The following GRIA4 variants were observed in gnomAD, a reference collection of about 807,000 sequenced individuals.
GRIA4 encodes glutamate receptor 4.
Under a neutral mutation model 104.0 loss-of-function variants are expected in GRIA4, and 34 were observed. The observed-to-expected ratio is 0.33, with a 90% CI of 0.25 to 0.44. The LOEUF is 0.44. GRIA4 is among the 20% of genes least tolerant of loss of function. The pLI is 1.00. For synonymous variants in GRIA4, 386 were observed against 381.9 expected (o/e 1.01, Z -0.13); for missense variants, 750 against 1,096.5 (o/e 0.68, Z 4.46).
chr11:105,921,827 A>G (rs574289595), intron 11 of GRIA4, among the ~76,000 whole-genome samples: 12 of 152,022 alleles, frequency 7.9e-5, no homozygotes, highest in African/African-American at 2.6e-4. Flanking sequence ...GACTACTTGG[A>G]GAATTAACAA....
intron 4 of GRIA4, among the ~76,000 whole-genome samples, chr11:105,794,008 G>T (rs12803424): frequency 6.6e-6 from 1 of 151,898 alleles, no homozygotes; most frequent in African/African-American, 2.4e-5. Context: ...AGGAGCAGTA[G>T]GCACTCACAG....
chr11:105,761,658 T>A (rs534526451), intron 4 of GRIA4, among the ~76,000 whole-genome samples: 111 of 152,322 alleles, frequency 7.3e-4, no homozygotes, highest in African/African-American at 2.6e-3. Context: ...AATAAAACTC[T>A]ATTTATCAAC....
intron 3 of GRIA4, among the ~76,000 whole-genome samples, chr11:105,665,843 C>T (rs945743649): frequency 6.6e-6 from 1 of 151,944 alleles, no homozygotes; most frequent in Non-Finnish European, 1.5e-5. Flanking sequence ...GCTCATAAAA[C>T]ATTTCACAGA....
intron 3 of GRIA4, among the ~76,000 whole-genome samples, chr11:105,731,939 T>C (rs1343462408): frequency 6.6e-6 from 1 of 152,090 alleles, no homozygotes; most frequent in African/African-American, 2.4e-5. Context: ...GATGGGTCGA[T>C]GGGTGCAGCA....
At chr11:105,898,991 T>G (rs1035790136) in intron 7 of GRIA4, among the ~76,000 whole-genome samples, 7 of 152,196 alleles carry the variant, frequency 4.6e-5, no homozygotes, top group African/African-American at 1.7e-4. Flanking sequence ...TTCTTAGACC[T>G]CATGTTAAAT....
intron 3 of GRIA4, among the ~76,000 whole-genome samples, chr11:105,718,255 T>G (rs1166628027): frequency 6.6e-6 from 1 of 152,214 alleles, no homozygotes; most frequent in Non-Finnish European, 1.5e-5. Flanking sequence ...TGTGTAGCAC[T>G]GACTGAGGAT....
At chr11:105,930,178 T>G (rs962605978) in intron 13 of GRIA4, among the ~76,000 whole-genome samples, 1 of 152,098 alleles carries the variant, frequency 6.6e-6, no homozygotes, top group Non-Finnish European at 1.5e-5. Context: ...AATATTTGCT[T>G]GTCCTCACTC....
chr11:105,656,156 C>T (rs1200393481), intron 3 of GRIA4, among the ~76,000 whole-genome samples: 1 of 152,114 alleles, frequency 6.6e-6, no homozygotes, highest in Non-Finnish European at 1.5e-5. Context: ...TGTTTATATC[C>T]TTTGCCTACT....
intron 14 of GRIA4, among the ~76,000 whole-genome samples, chr11:105,936,129 G>A (rs1213107175): frequency 1.3e-5 from 2 of 152,070 alleles, no homozygotes; most frequent in Non-Finnish European, 2.9e-5. Flanking sequence ...CCTCCTCTCT[G>A]TCTCATCCTC....
intron 4 of GRIA4, among the ~76,000 whole-genome samples, chr11:105,777,349 A>C (rs1941494935): frequency 1.3e-5 from 2 of 152,136 alleles, no homozygotes; most frequent in Non-Finnish European, 2.9e-5. Context: ...GTTAGCTAGA[A>C]ATTTTTATTT....
At chr11:105,866,531 GCA>G (rs1565300459) in intron 5 of GRIA4, among the ~76,000 whole-genome samples, 1 of 85,950 alleles carries the variant, frequency 1.2e-5, no homozygotes. Flanking sequence ...ACATATATAC[GCA>G]TATGTGTGTG....
intron 14 of GRIA4, among the ~76,000 whole-genome samples, chr11:105,956,728 CGTAAAAGT>C (rs1437610766): frequency 1.4e-4 from 22 of 152,206 alleles, no homozygotes; most frequent in African/African-American, 5.3e-4. Context: ...CCATCAACAG[CGTAAAAGT>C]GTTCCTATTT....
intron 3 of GRIA4, among the ~76,000 whole-genome samples, chr11:105,673,924 G>C (rs1163787565): frequency 1.3e-5 from 2 of 151,886 alleles, no homozygotes; most frequent in Non-Finnish European, 2.9e-5. Context: ...CAAAGTCAAG[G>C]AGAATCATAT....
intron 14 of GRIA4, among the ~76,000 whole-genome samples, chr11:105,934,884 T>G (rs1191966423): frequency 6.6e-6 from 1 of 152,152 alleles, no homozygotes; most frequent in Non-Finnish European, 1.5e-5. Context: ...GTCTCAGTGC[T>G]GCTTAGGAGA....
intron 16 of GRIA4, 30 bp downstream of exon 16, chr11:105,974,474 A>G: frequency 6.2e-7 from 1 of 1,613,882 alleles, no homozygotes; most frequent in Non-Finnish European, 8.5e-7. Context: ...CTTTTAACCC[A>G]ACTTCCTCGC....
intron 3 of GRIA4, among the ~76,000 whole-genome samples, chr11:105,751,867 A>T (rs548364977): frequency 6.6e-6 from 1 of 152,332 alleles, no homozygotes; most frequent in East Asian, 1.9e-4. Flanking sequence ...ATTCATAGCT[A>T]ATACAAGTAA....
chr11:105,788,423 T>C (rs1015842388), intron 4 of GRIA4, among the ~76,000 whole-genome samples: 5 of 152,106 alleles, frequency 3.3e-5, no homozygotes, highest in Non-Finnish European at 5.9e-5. Context: ...ATCTTTATAT[T>C]AATAAGACAG....
chr11:105,767,854 C>A (rs747527369), intron 4 of GRIA4, among the ~76,000 whole-genome samples: 2 of 152,036 alleles, frequency 1.3e-5, no homozygotes, highest in Non-Finnish European at 2.9e-5. Flanking sequence ...CAAGTGCAGG[C>A]AGTTTGGATT....
chr11:105,752,706 T>C lies in GRIA4; in HGVS notation c.248-275T>C, dbSNP rs146754863. Reference sequence around the variant, plus strand: ...ATTATGGAAGGCCATATTTTTTTTATTTTAGTCAAATTTCCCTTTAATCCA... The same window carrying C: ...ATTATGGAAGGCCATATTTTTTTTACTTTAGTCAAATTTCCCTTTAATCCA... On this transcript the variant is annotated intron_variant, in intron 3 of 16. Coordinates refer to ENST00000282499, the MANE Select transcript of GRIA4 (RefSeq NM_000829.4). 2.0e-5 allele frequency among the ~76,000 whole-genome samples: 3 copies of C among 152,284 alleles called. No homozygotes were observed. The East Asian group carries it at 5.8e-4, about 29-fold the overall frequency.
Sources: gnomAD v4.1 joint callset for allele counts (sites outside exome capture counted in the v4.1 genomes callset) on GRCh38, gnomAD v4.1.1 for gene constraint, MANE v1.5 for transcripts, NCBI Gene and HGNC (gene_info 2026-07-23, HGNC 2026-07-21) for gene names.